The following FRY variants were observed in gnomAD, a reference collection of about 807,000 sequenced individuals.
The protein encoded by FRY is FRY microtubule binding protein.
FRY carries 128 observed loss-of-function variants against 348.4 expected under a neutral mutation model. That is an observed-to-expected ratio of 0.37 (90% confidence interval 0.32 to 0.43). The LOEUF is 0.43. Ranked by LOEUF, FRY falls within the 20% of genes least tolerant of loss-of-function variation. FRY has a pLI of 1.00. For synonymous variants in FRY, 1,370 were observed against 1,374.7 expected (o/e 1.00, Z 0.08); for missense variants, 2,736 against 3,695.2 (o/e 0.74, Z 6.73).
chr13:32,202,535 G>A lies in FRY; in HGVS notation c.4018+8G>A. ...CACTCCCCCTCTTCTCAGGTACCAG[G>A]CAATAGTCAATAATGACATATGTGA... On this transcript the variant is annotated splice_region_variant and intron_variant, in intron 31 of 60. Coordinates refer to ENST00000542859, the MANE Select transcript of FRY (RefSeq NM_023037.3). The A allele has an allele frequency of 6.2e-7, 1 of 1,605,304 alleles. No individual in the cohort carries two copies. The highest frequency in any genetic ancestry group is 8.5e-7 in the Non-Finnish European group (1 of 1,172,078).
chr13:32,070,513 C>T (rs1167742601), intron 1 of FRY, among the ~76,000 whole-genome samples: 3 of 149,238 alleles, frequency 2.0e-5, no homozygotes, highest in African/African-American at 7.4e-5. Flanking sequence ...TAAATGTCTT[C>T]TTTTGAGACG....
chr13:32,282,345 A>G (rs759348799), intron 58 of FRY, among the ~76,000 whole-genome samples: 66 of 152,256 alleles, frequency 4.3e-4, no homozygotes, highest in Admixed American at 9.8e-4. Flanking sequence ...GTGAACTTAT[A>G]ACTTGCAGAA....
chr13:32,124,016 T>G lies in FRY; in HGVS notation c.465-270T>G, dbSNP rs566201988. 9.2e-5 allele frequency among the ~76,000 whole-genome samples: 14 copies of G among 152,258 alleles called. No homozygotes were observed. The East Asian group carries it at 2.7e-3, about 29-fold the overall frequency. On this transcript the variant is annotated intron_variant, in intron 4 of 60. Coordinates refer to ENST00000542859, the MANE Select transcript of FRY (RefSeq NM_023037.3). ...TGCCACCTGGCTAATTTTTGTATTT[T>G]TAGCAGGGACGGGGTTTCACCATGT...
At chr13:32,076,684 A>G (rs1875081961) in intron 1 of FRY, among the ~76,000 whole-genome samples, 1 of 152,220 alleles carries the variant, frequency 6.6e-6, no homozygotes, top group African/African-American at 2.4e-5. Context: ...AGACCTGCAG[A>G]AATAAAGTCA....
At chr13:32,096,098 C>A (rs146839828) in intron 2 of FRY, among the ~76,000 whole-genome samples, 60 of 151,714 alleles carry the variant, frequency 4.0e-4, no homozygotes, top group East Asian at 9.7e-4. Flanking sequence ...TCCCTTTCTC[C>A]CTTTCTTCCT....
chr13:32,209,979 T>C (rs913044356), intron 33 of FRY, among the ~76,000 whole-genome samples: 8 of 152,214 alleles, frequency 5.3e-5, no homozygotes, highest in Admixed American at 2.0e-4. Context: ...CCTATTGATA[T>C]AGCAGGTGGA....
intron 1 of FRY, among the ~76,000 whole-genome samples, chr13:32,055,675 C>A (rs1161063705): frequency 6.6e-6 from 1 of 151,950 alleles, no homozygotes; most frequent in Non-Finnish European, 1.5e-5. Context: ...AATAATCCTT[C>A]AAAACAGTAT....
At position 32,289,741 on chromosome 13, in the gene FRY, G is replaced by C. The variant is rs1460464031; in HGVS notation, c.8578G>C (p.Glu2860Gln). Reference sequence around the variant, plus strand: ...GGTGCACGAAGTTAGCTCCATGCCAGAGGTGAGTCCACACGCTTCCCAACC... The same window carrying C: ...GGTGCACGAAGTTAGCTCCATGCCACAGGTGAGTCCACACGCTTCCCAACC... ...GQVHEVSSMP[E>Q]LLNMSRELSD... is the part of the protein sequence containing the mutation. Residue 2860 changes from glutamate to glutamine, a missense_variant and splice_region_variant, in exon 59 of 61, where the codon GAG (glutamate) becomes CAG (glutamine). By Grantham distance (29) the Glu-to-Gln change is conservative. Transcript: ENST00000542859. 1.3e-6 allele frequency: 2 copies of C among 1,564,940 alleles called. No homozygotes were observed. Among genetic ancestry groups the C allele is most frequent in the African/African-American group, 2.7e-5 (2 of 73,990 alleles).
chr13:32,168,449 G>A (rs1313243098), intron 17 of FRY, among the ~76,000 whole-genome samples: 1 of 152,158 alleles, frequency 6.6e-6, no homozygotes, highest in Admixed American at 6.5e-5. Context: ...AAATATCTGG[G>A]CACTGAGGCC....
intron 51 of FRY, among the ~76,000 whole-genome samples, chr13:32,257,220 C>A (rs1040481029): frequency 6.6e-6 from 1 of 152,244 alleles, no homozygotes; most frequent in African/African-American, 2.4e-5. Context: ...ATAAAATAAC[C>A]AATGTATAGT....
intron 51 of FRY, among the ~76,000 whole-genome samples, chr13:32,255,736 T>C (rs1887296011): frequency 6.6e-6 from 1 of 152,240 alleles, no homozygotes. Flanking sequence ...GCAGTGAAGA[T>C]TGTTTTAAGT....
At chr13:32,107,378 GAAAA>G (rs1281285762) in intron 3 of FRY, among the ~76,000 whole-genome samples, 1 of 152,062 alleles carries the variant, frequency 6.6e-6, no homozygotes, top group East Asian at 1.9e-4. Context: ...AAGAAACCTG[GAAAA>G]AAGATTTTAT....
At chr13:32,065,743 A>T (rs1874218904) in intron 1 of FRY, among the ~76,000 whole-genome samples, 1 of 151,992 alleles carries the variant, frequency 6.6e-6, no homozygotes, top group Non-Finnish European at 1.5e-5. Context: ...AAGACTGCAG[A>T]TGTGTGCTAC....
At chr13:32,272,029 A>G (rs1888231539) in intron 55 of FRY, among the ~76,000 whole-genome samples, 1 of 152,214 alleles carries the variant, frequency 6.6e-6, no homozygotes, top group African/African-American at 2.4e-5. Context: ...ATTTTTTAAA[A>G]TGCATACCTC....
intron 44 of FRY, among the ~76,000 whole-genome samples, chr13:32,238,729 T>C (rs2762039): frequency 0.69 from 104,251 of 152,078 alleles, 36,355 homozygotes; most frequent in African/African-American, 0.8. Context: ...GGATTACAGG[T>C]GTGAGCCACC....
chr13:32,052,043 A>G lies in FRY; in HGVS notation c.70+20178A>G, dbSNP rs536663418. Among the ~76,000 whole-genome samples, 15 of 152,350 alleles carry G rather than the reference A, an allele frequency of 9.8e-5. No homozygotes were observed. The East Asian group carries it at 2.9e-3, about 29-fold the overall frequency. Reference sequence around the variant, plus strand: ...TATGATCTTTTGCTGCTCAACTTCTAGGAGGCAATCTGGTATAGCAGGAAG... The same window carrying G: ...TATGATCTTTTGCTGCTCAACTTCTGGGAGGCAATCTGGTATAGCAGGAAG... On this transcript the variant is annotated intron_variant, in intron 1 of 60. Coordinates refer to ENST00000542859, the MANE Select transcript of FRY (RefSeq NM_023037.3).
At chr13:32,250,407 C>G (rs1477694532) in intron 49 of FRY, among the ~76,000 whole-genome samples, 1 of 152,206 alleles carries the variant, frequency 6.6e-6, no homozygotes, top group Non-Finnish European at 1.5e-5. Context: ...TAGGCTGTCT[C>G]CTCACTGTCC....
chr13:32,213,461 C>A (rs1884800757), intron 35 of FRY, among the ~76,000 whole-genome samples: 1 of 152,240 alleles, frequency 6.6e-6, no homozygotes, highest in Admixed American at 6.5e-5. Context: ...GAATTATAGA[C>A]CTTGTCCTTT....
intron 1 of FRY, among the ~76,000 whole-genome samples, chr13:32,058,947 C>G (rs1479413445): frequency 6.6e-6 from 1 of 151,930 alleles, no homozygotes; most frequent in Non-Finnish European, 1.5e-5. Flanking sequence ...TTTGAATGAC[C>G]CTGAGCAACC....
Sources: allele counts gnomAD v4.1 joint callset (sites outside exome capture counted in the v4.1 genomes callset), GRCh38; gene constraint gnomAD v4.1.1; transcripts MANE v1.5; gene names NCBI Gene and HGNC (gene_info 2026-07-23, HGNC 2026-07-21).